SIN3B: variants seen among roughly 807,000 people sequenced by gnomAD.
The protein encoded by SIN3B is SIN3 transcription regulator family member B.
SIN3B carries 19 observed loss-of-function variants against 120.2 expected under a neutral mutation model. That is an observed-to-expected ratio of 0.16 (90% CI 0.11 to 0.23). The LOEUF (loss-of-function observed/expected upper bound fraction) is 0.23, where lower values mean the gene tolerates loss of function less well. Ranked by LOEUF, SIN3B falls within the 10% of genes least tolerant of loss-of-function variation. The pLI is 1.00. For synonymous variants in SIN3B, 654 were observed against 653.2 expected (o/e 1.00, Z -0.02); for missense variants, 1,073 against 1,573.0 (o/e 0.68, Z 5.38).
At chr19:16,860,854 A>C (rs1041796689) in intron 8 of SIN3B, among the ~76,000 whole-genome samples, 1 of 151,494 alleles carries the variant, frequency 6.6e-6, no homozygotes, top group Non-Finnish European at 1.5e-5. Flanking sequence ...CGGCCTCCCA[A>C]AGTTCTGGGA....
chr19:16,839,320 C>T (rs991545819), intron 3 of SIN3B, among the ~76,000 whole-genome samples: 2 of 152,164 alleles, frequency 1.3e-5, no homozygotes, highest in African/African-American at 4.8e-5. Context: ...TGGTTATAGA[C>T]CTGGGAGTGG....
intron 3 of SIN3B, among the ~76,000 whole-genome samples, chr19:16,840,051 T>A (rs1195486337): frequency 6.6e-6 from 1 of 152,106 alleles, no homozygotes; most frequent in Admixed American, 6.6e-5. Context: ...TGTTTTAGAA[T>A]CGTGGCTGCT....
At chr19:16,842,618 G>A (rs1420957824) in intron 4 of SIN3B, among the ~76,000 whole-genome samples, 3 of 152,010 alleles carry the variant, frequency 2.0e-5, no homozygotes, top group Admixed American at 1.3e-4. Context: ...TAGGCAATAC[G>A]GCCATCCTTT....
Position 16,862,952 on chromosome 19 carries a change from C to T in SIN3B, c.1266+393C>T. On this transcript the variant is annotated intron_variant, in intron 9 of 18. Coordinates refer to ENST00000248054, the MANE Select transcript of SIN3B (RefSeq NM_001297595.2). The surrounding 1 kb of genome is among the most constrained non-coding windows in gnomAD (Gnocchi z 4.7). ...ACTGCATGTCCAAGTTCAAGAATAC[C>T]TGCTGGATTCCAGGATATAGTGCAG... 2 of 1,614,168 alleles carry T rather than the reference C, an allele frequency of 1.2e-6. No individual in the cohort carries two copies. The highest frequency in any genetic ancestry group is 1.7e-6 in the Non-Finnish European group (2 of 1,179,964).
At position 16,878,434 on chromosome 19, in the gene SIN3B, C is replaced by G. The variant is rs755526561; in HGVS notation, c.3162+44C>G. 5 of 1,588,514 alleles carry G rather than the reference C, an allele frequency of 3.1e-6. No homozygotes were observed. The African/African-American group carries it at 6.7e-5, about 21-fold the overall frequency. On this transcript the variant is annotated intron_variant, in intron 18 of 18. Coordinates refer to ENST00000248054, the MANE Select transcript of SIN3B (RefSeq NM_001297595.2). ...GCTGCCCCGACATGCCCCTCCTCAC[C>G]CCAAGTCCTGGGGCCCTGGGGGTCC...
rs1430418679 is a variant in SIN3B, at chr19:16,879,070, C to T, written c.*343C>T. On this transcript the variant is annotated 3_prime_UTR_variant, in exon 19 of 19. Transcript: ENST00000248054. ...GATGGCTCCTGCCCCATATTCTTGCCGTGTCTTGGAAAAGTCACAGGTGAC... is the reference window on the plus strand; with the variant it reads ...GATGGCTCCTGCCCCATATTCTTGCTGTGTCTTGGAAAAGTCACAGGTGAC... 7 of 335,310 alleles carry T rather than the reference C, an allele frequency of 2.1e-5. No homozygotes were observed. In the East Asian group the frequency reaches 2.8e-4, roughly 14 times the overall value. 20.8% of individuals were successfully genotyped at this position (335,310 alleles called of 1,614,324 possible).
chr19:16,836,135 T>G (rs1045165568), intron 3 of SIN3B, among the ~76,000 whole-genome samples: 1 of 152,128 alleles, frequency 6.6e-6, no homozygotes, highest in Non-Finnish European at 1.5e-5. Context: ...GCCAGACTGT[T>G]CTTTATGGCG....
intron 13 of SIN3B, 48 bp downstream of exon 13, chr19:16,870,123 A>G: frequency 6.7e-7 from 1 of 1,491,770 alleles, no homozygotes; most frequent in South Asian, 1.3e-5. Context: ...GCCTGGGGTT[A>G]GGGGTCACAG....
In SIN3B at chr19:16,862,765, C is replaced by T; in HGVS notation, c.1266+206C>T. The T allele has an allele frequency of 9.6e-7, 1 of 1,043,760 alleles. No homozygotes were observed. Among genetic ancestry groups the T allele is most frequent in the Non-Finnish European group, 1.5e-6 (1 of 679,636 alleles). 64.7% of individuals were successfully genotyped at this position (1,043,760 alleles called of 1,614,324 possible). On this transcript the variant is annotated intron_variant, in intron 9 of 18. Transcript: ENST00000248054. This position sits in a 1 kb window ranked among gnomAD's most constrained non-coding sequence, Gnocchi z 4.7. ...TACCCTGCTGGTAGTTTTGGCAAAACACAGAGTGCCAGGGATAACGTGGAG... is the reference window on the plus strand; with the variant it reads ...TACCCTGCTGGTAGTTTTGGCAAAATACAGAGTGCCAGGGATAACGTGGAG...
chr19:16,853,202 G>C (rs371195961), intron 7 of SIN3B, 44 bp downstream of exon 7: 36 of 1,574,882 alleles, frequency 2.3e-5, no homozygotes, highest in Non-Finnish European at 3.1e-5. Flanking sequence ...GCCATGTCCA[G>C]CTGGCTGGGC....
rs1203775464 is a variant in SIN3B, at chr19:16,879,243, C to T, written c.*516C>T. ...CAGAAACATCATCTGAGGGTTTGGG[C>T]ATCAGCTCTGCCTGGCTGGTGTTCA... is the stretch of plus-strand genomic sequence containing the variant. On this transcript the variant is annotated 3_prime_UTR_variant, in exon 19 of 19. Coordinates refer to ENST00000248054, the MANE Select transcript of SIN3B (RefSeq NM_001297595.2). The T allele has an allele frequency of 6.3e-6, 1 of 157,612 alleles. No individual in the cohort carries two copies. The highest frequency in any genetic ancestry group is 1.4e-5 in the Non-Finnish European group (1 of 71,782). 9.8% of individuals were successfully genotyped at this position (157,612 alleles called of 1,614,324 possible). A position where few individuals can be genotyped will look rare whatever the true frequency, so the allele number is the denominator to read the frequency against.
intron 8 of SIN3B, among the ~76,000 whole-genome samples, chr19:16,857,190 A>AT (rs1971627095): frequency 6.6e-6 from 1 of 152,234 alleles, no homozygotes; most frequent in South Asian, 2.1e-4. Flanking sequence ...AAAATGTAGC[A>AT]TTCCTACACT....
rs758392598 is a variant in SIN3B at position 16,862,562 on chromosome 19, A to AG, written c.1266+4dup. On this transcript the variant is annotated splice_donor_region_variant and intron_variant, in intron 9 of 18. Coordinates refer to ENST00000248054, the MANE Select transcript of SIN3B (RefSeq NM_001297595.2). This position sits in a 1 kb window ranked among gnomAD's most constrained non-coding sequence, Gnocchi z 4.7. ...GGAGGACAGCCATCTGCAAGGAGGT[A>AG]GCGCTCCCTGGGGCTCAAATGTTCG... 1.2e-6 allele frequency: 2 copies of AG among 1,611,840 alleles called. No individual in the cohort carries two copies. The highest frequency in any genetic ancestry group is 3.3e-5 in the Admixed American group (2 of 59,940).
intron 4 of SIN3B, among the ~76,000 whole-genome samples, chr19:16,845,533 A>C (rs1599594447): frequency 6.6e-6 from 1 of 152,174 alleles, no homozygotes; most frequent in Admixed American, 6.5e-5. Context: ...TTGGCCTCCC[A>C]AAGTGCTGGG....
At chr19:16,875,216 TG>T (rs1241934041) in intron 14 of SIN3B, among the ~76,000 whole-genome samples, 1 of 147,082 alleles carries the variant, frequency 6.8e-6, no homozygotes, top group African/African-American at 2.5e-5. Flanking sequence ...CTGTCTGGTC[TG>T]GTTTGGTCTG....
At chr19:16,841,718 A>G in intron 3 of SIN3B, 50 bp from the exon 4 acceptor site, 1 of 1,556,434 alleles carries the variant, frequency 6.4e-7, no homozygotes, top group Non-Finnish European at 8.9e-7. Context: ...TGTTTTTCAC[A>G]ATCTGTTTCC....
intron 9 of SIN3B, chr19:16,863,343 C>A: frequency 2.1e-6 from 1 of 475,148 alleles, no homozygotes. Context: ...ATGATCTACA[C>A]AGCATTTACA....
At chr19:16,868,174 T>C (rs965065395) in intron 12 of SIN3B, among the ~76,000 whole-genome samples, 2 of 152,132 alleles carry the variant, frequency 1.3e-5, no homozygotes, top group Non-Finnish European at 2.9e-5. Context: ...ATGGCATAAA[T>C]GAGACCTGGG....
At chr19:16,831,721 T>G in intron 3 of SIN3B, 74 bp downstream of exon 3, 1 of 1,357,100 alleles carries the variant, frequency 7.4e-7, no homozygotes, top group Non-Finnish European at 1.0e-6. Context: ...GGGCCACGTG[T>G]CTCTCCTGTA....
Sources: gnomAD v4.1 joint callset for allele counts (sites outside exome capture counted in the v4.1 genomes callset) on GRCh38, gnomAD v4.1.1 for gene constraint, Gnocchi (gnomAD v3.1) non-coding constraint, MANE v1.5 for transcripts, NCBI Gene and HGNC (gene_info 2026-07-23, HGNC 2026-07-21) for gene names.